PRKAR1A: variants seen among roughly 807,000 people sequenced by gnomAD.
The protein encoded by PRKAR1A is protein kinase cAMP-dependent type I regulatory subunit alpha, also known as cAMP-dependent protein kinase type I-alpha regulatory subunit.
A neutral mutation model predicts 52.0 loss-of-function variants in PRKAR1A; 3 were observed. That is an observed-to-expected ratio of 0.06 (90% CI 0.03 to 0.15). PRKAR1A has a LOEUF of 0.15. PRKAR1A is among the 10% of genes least tolerant of loss of function. PRKAR1A has a pLI of 1.00. For missense variants in PRKAR1A, 240 were observed against 477.4 expected (o/e 0.50, Z 4.63); for synonymous variants, 188 against 168.4 (o/e 1.12, Z -0.90).
chr17:68,450,160 C>T, the PRKAR1A span, among the ~76,000 whole-genome samples: 2 of 71,340 alleles, frequency 2.8e-5, no homozygotes, highest in South Asian at 1.1e-3. Flanking sequence ...AAAGAAAATG[C>T]TACAAAAAAA....
chr17:68,441,087 G>T, the PRKAR1A span: 8 of 152,298 alleles, frequency 5.3e-5, no homozygotes, highest in Non-Finnish European at 1.0e-4. Context: ...ATAAAAGGTG[G>T]TCAGCTCTGT....
the PRKAR1A span, among the ~76,000 whole-genome samples, chr17:68,435,908 AT>A: frequency 5.0e-4 from 76 of 152,230 alleles, no homozygotes; most frequent in Admixed American, 5.0e-3. Context: ...GGGCCACTCC[AT>A]TTCCATCCCT....
At chr17:68,486,893 A>G in the PRKAR1A span, among the ~76,000 whole-genome samples, 1 of 151,164 alleles carries the variant, frequency 6.6e-6, no homozygotes, top group Non-Finnish European at 1.5e-5. Context: ...TTTTTTTCTC[A>G]GATGATGTCT....
chr17:68,533,361 C>G lies in PRKAR1A; in HGVS notation c.*2912C>G. On this transcript the variant is annotated 3_prime_UTR_variant, in exon 11 of 11. Coordinates refer to ENST00000589228, the MANE Select transcript of PRKAR1A (RefSeq NM_002734.5). The stretch of plus-strand genomic sequence containing the variant: ...TGAACATGTGTACCTTTTCTAGATT[C>G]AGTAATCCCTTCCCCCCGTCCTCTG... 9.4e-7 allele frequency: 1 copy of G among 1,062,328 alleles called. No individual in the cohort carries two copies. The highest frequency in any genetic ancestry group is 5.1e-5 in the East Asian group (1 of 19,728). The allele number at this position is 1,062,328 out of a possible 1,614,324, so 65.8% of individuals were successfully genotyped here.
the PRKAR1A span, chr17:68,430,214 C>A: frequency 6.5e-6 from 10 of 1,545,286 alleles, no homozygotes; most frequent in Non-Finnish European, 8.7e-6. Flanking sequence ...CCCACACGCA[C>A]CCAGGAATCT....
intron 2 of PRKAR1A, chr17:68,515,805 T>C (rs925190607): frequency 2.1e-5 from 12 of 564,160 alleles, no homozygotes; most frequent in Non-Finnish European, 3.4e-5. Flanking sequence ...ACTTGGCTAA[T>C]AAAGGGTTTC....
At chr17:68,489,200 A>ATATATGGAAAG in the PRKAR1A span, among the ~76,000 whole-genome samples, 201 of 46,810 alleles carry the variant, frequency 4.3e-3, 41 homozygotes, top group East Asian at 0.089. Flanking sequence ...ATATATATAT[A>ATATATGGAAAG]TATATATATA....
chr17:68,485,808 A>G, the PRKAR1A span, among the ~76,000 whole-genome samples: 1 of 152,076 alleles, frequency 6.6e-6, no homozygotes, highest in Non-Finnish European at 1.5e-5. Context: ...GCGTGATCTC[A>G]GCTCACTGCA....
At chr17:68,486,007 G>A in the PRKAR1A span, among the ~76,000 whole-genome samples, 1 of 152,148 alleles carries the variant, frequency 6.6e-6, no homozygotes, top group Non-Finnish European at 1.5e-5. Flanking sequence ...CTAAAGTGCT[G>A]AGATTACAGG....
the PRKAR1A span, among the ~76,000 whole-genome samples, chr17:68,476,533 C>T: frequency 6.6e-6 from 1 of 152,148 alleles, no homozygotes; most frequent in Admixed American, 6.5e-5. Flanking sequence ...CCGGGGCAAC[C>T]ACTGTTACCA....
the PRKAR1A span, among the ~76,000 whole-genome samples, chr17:68,457,885 G>A: frequency 6.6e-6 from 1 of 152,244 alleles, no homozygotes; most frequent in African/African-American, 2.4e-5. Flanking sequence ...CGCCCAGCTG[G>A]GAGGGAGAGG....
chr17:68,536,691 T>G (rs1160568203), downstream of PRKAR1A: 1 of 453,868 alleles, frequency 2.2e-6, no homozygotes, highest in African/African-American at 2.0e-5. Flanking sequence ...CTTGTGTCCC[T>G]GCTAGGCCTG....
chr17:68,515,110 C>G (rs1053290598), intron 1 of PRKAR1A: 5 of 438,606 alleles, frequency 1.1e-5, no homozygotes, highest in Non-Finnish European at 2.1e-5. Flanking sequence ...CAGCACCCGT[C>G]TCTGCAGAGG....
chr17:68,424,594 G>A, the PRKAR1A span: 17 of 481,708 alleles, frequency 3.5e-5, no homozygotes, highest in Admixed American at 3.2e-4. Flanking sequence ...CACTACTTCC[G>A]GCCGGGTGCG....
Position 68,531,547 on chromosome 17 carries a change from A to T in PRKAR1A, c.*1098A>T. 1 of 1,066,288 alleles carries T rather than the reference A, an allele frequency of 9.4e-7. No individual in the cohort carries two copies. Among genetic ancestry groups the T allele is most frequent in the Admixed American group, 5.3e-5 (1 of 18,770 alleles). 66.1% of individuals were successfully genotyped at this position (1,066,288 alleles called of 1,614,324 possible). A position where few individuals can be genotyped will look rare whatever the true frequency, so the allele number is the denominator to read the frequency against. On this transcript the variant is annotated 3_prime_UTR_variant, in exon 11 of 11. Coordinates refer to ENST00000589228, the MANE Select transcript of PRKAR1A (RefSeq NM_002734.5). Reference sequence around the variant, plus strand: ...CATGAGATTTTGGAAGAAGTTTTTTACTTTGGTTTAGTCTTTTTTTCCTTC... The same window carrying T: ...CATGAGATTTTGGAAGAAGTTTTTTTCTTTGGTTTAGTCTTTTTTTCCTTC...
At chr17:68,459,579 A>G in the PRKAR1A span, among the ~76,000 whole-genome samples, 21 of 152,216 alleles carry the variant, frequency 1.4e-4, no homozygotes, top group African/African-American at 5.1e-4. Context: ...GTAAAGGGAC[A>G]GGAGAGACTA....
At chr17:68,515,182 C>T (rs1427177320) in intron 1 of PRKAR1A, 1 of 581,608 alleles carries the variant, frequency 1.7e-6, no homozygotes, top group African/African-American at 1.9e-5. Context: ...GCCTACAGAG[C>T]ACAGATCCTG....
At position 68,524,103 on chromosome 17, in the gene PRKAR1A, T is replaced by C. The variant is rs76608451; in HGVS notation, c.502+26T>C. On this transcript the variant is annotated intron_variant, in intron 5 of 10. Transcript: ENST00000589228. Reference sequence around the variant, plus strand: ...GTAAGGGCCTCTGGAGCATGCAATATTGTTACGGGAGAGGAGGCGAGACTA... The same window carrying C: ...GTAAGGGCCTCTGGAGCATGCAATACTGTTACGGGAGAGGAGGCGAGACTA... 3,207 of 1,611,814 alleles carry C rather than the reference T, an allele frequency of 2.0e-3. 65 individuals are homozygous for C. In the African/African-American group the frequency reaches 0.036, roughly 18 times the overall value.
the PRKAR1A span, among the ~76,000 whole-genome samples, chr17:68,492,167 T>A: frequency 6.6e-6 from 1 of 152,360 alleles, no homozygotes; most frequent in East Asian, 1.9e-4. Flanking sequence ...GCTGACTTGC[T>A]CCTGAGGCCG....
Sources: gnomAD v4.1 joint callset for allele counts (sites outside exome capture counted in the v4.1 genomes callset) on GRCh38, gnomAD v4.1.1 for gene constraint, MANE v1.5 for transcripts, NCBI Gene and HGNC (gene_info 2026-07-23, HGNC 2026-07-21) for gene names.